Variants in RNPS1 observed in about 807,000 individuals in gnomAD.
RNPS1 encodes RNA binding protein with serine rich domain 1, also known as RNA-binding protein with serine-rich domain 1.
For missense variants in RNPS1, 300 were observed against 427.6 expected (o/e 0.70, Z 2.63); for synonymous variants, 147 against 150.0 (o/e 0.98, Z 0.15).
chr16:2,259,089 C>T (rs2093591147), intron 6 of RNPS1, among the ~76,000 whole-genome samples: 2 of 147,908 alleles, frequency 1.4e-5, no homozygotes, highest in South Asian at 4.2e-4. Flanking sequence ...CACCATTGTA[C>T]TCCAGCCTGG....
chr16:2,263,020 G>A (rs2093609497), intron 4 of RNPS1, 76 bp downstream of exon 4: 4 of 1,481,424 alleles, frequency 2.7e-6, no homozygotes, highest in Non-Finnish European at 3.7e-6. Flanking sequence ...CTCCTTTTGG[G>A]TCCCTTTTAT....
chr16:2,255,485 G>A (rs1420534385), intron 7 of RNPS1, 100 bp downstream of exon 7: 8 of 1,362,004 alleles, frequency 5.9e-6, no homozygotes, highest in Admixed American at 2.3e-5. Context: ...AGCCCGCACA[G>A]CAGTGGAAGG....
Position 2,253,652 on chromosome 16 carries a change from T to C in RNPS1, c.*312A>G. Reference sequence around the variant, plus strand: ...GGGAAGGGAAAAGTGTGCTCCCAGGTAAGCAGGGTCAAACCACCCCCAAGA... The same window carrying C: ...GGGAAGGGAAAAGTGTGCTCCCAGGCAAGCAGGGTCAAACCACCCCCAAGA... On this transcript the variant is annotated 3_prime_UTR_variant, in exon 8 of 8. Transcript: ENST00000320225. 2 of 502,774 alleles carry C rather than the reference T, an allele frequency of 4.0e-6. No individual in the cohort carries two copies. 31.1% of individuals were successfully genotyped at this position (502,774 alleles called of 1,614,324 possible).
rs2093615377 is a variant in RNPS1 at position 2,264,207 on chromosome 16, G to A, written c.196C>T (p.Arg66Cys). 6.2e-7 allele frequency: 1 copy of A among 1,613,668 alleles called. No individual in the cohort carries two copies. The highest frequency in any genetic ancestry group is 1.1e-5 in the South Asian group (1 of 91,058). ...CTGCTGCTACCACTGGAAGCGCTGC[G>A]CCTCTTTCGGGTTTTGTCCCGGCCG... Reference protein sequence around the residue: ...DRGRDKTRKRRSASSGSSSTR... With the variant: ...DRGRDKTRKRCSASSGSSSTR... Residue 66 changes from arginine to cysteine, a missense_variant, in exon 3 of 8, where the codon CGC (arginine) becomes TGC (cysteine). Arg to Cys is a radical substitution (Grantham distance 180). Transcript: ENST00000320225.
At chr16:2,260,147 CTTTT>C (rs776703032) in intron 6 of RNPS1, among the ~76,000 whole-genome samples, 326 of 72,382 alleles carry the variant, frequency 4.5e-3, no homozygotes, top group African/African-American at 0.015. Flanking sequence ...TGTGTGTATT[CTTTT>C]TTTTTTTTTT....
intron 5 of RNPS1, 116 bp downstream of exon 5, chr16:2,262,624 C>T: frequency 9.6e-7 from 1 of 1,038,898 alleles, no homozygotes; most frequent in Non-Finnish European, 1.4e-6. Context: ...CAATGCTGTA[C>T]TCAAACCACA....
intron 7 of RNPS1, among the ~76,000 whole-genome samples, chr16:2,255,339 G>C (rs1480620830): frequency 6.6e-6 from 1 of 152,210 alleles, no homozygotes; most frequent in South Asian, 2.1e-4. Context: ...GGTCTCCTAG[G>C]AAGGCCACAC....
intron 6 of RNPS1, chr16:2,258,134 G>T (rs1007677584): frequency 7.9e-5 from 12 of 152,342 alleles, no homozygotes; most frequent in African/African-American, 2.6e-4. Flanking sequence ...GAAATAAACT[G>T]TATAGATTCA....
chr16:2,264,470 C>T (rs2093616849), intron 2 of RNPS1, 103 bp downstream of exon 2: 5 of 1,527,762 alleles, frequency 3.3e-6, no homozygotes, highest in Non-Finnish European at 4.5e-6. Context: ...TGGCTCAGAA[C>T]ACTCACTGTA....
At chr16:2,262,962 G>T in intron 4 of RNPS1, 120 bp from the exon 5 acceptor site, 1 of 1,304,354 alleles carries the variant, frequency 7.7e-7, no homozygotes, top group Non-Finnish European at 1.1e-6. Context: ...TTTCCTGCTA[G>T]TTCACATACA....
chr16:2,262,256 G>T, intron 6 of RNPS1, 22 bp downstream of exon 6: 1 of 1,610,958 alleles, frequency 6.2e-7, no homozygotes, highest in African/African-American at 1.3e-5. Context: ...AGAGGTCAGG[G>T]TTATGTGGCA....
intron 7 of RNPS1, 44 bp downstream of exon 7, chr16:2,255,541 A>C (rs2093574227): frequency 6.5e-7 from 1 of 1,533,458 alleles, no homozygotes; most frequent in Non-Finnish European, 8.7e-7. Flanking sequence ...CGGTCACATG[A>C]GGTTTGTGGC....
chr16:2,260,155 T>C (rs919814062), intron 6 of RNPS1, among the ~76,000 whole-genome samples: 9 of 136,152 alleles, frequency 6.6e-5, no homozygotes, highest in African/African-American at 2.5e-4. Flanking sequence ...TTCTTTTTTT[T>C]TTTTTTTTTT....
intron 6 of RNPS1, among the ~76,000 whole-genome samples, chr16:2,259,692 A>C (rs1039593588): frequency 6.6e-6 from 1 of 152,226 alleles, no homozygotes; most frequent in Non-Finnish European, 1.5e-5. Context: ...GATCCAGACC[A>C]TCCTGGCTAA....
chr16:2,262,213 A>C, intron 6 of RNPS1, 65 bp downstream of exon 6: 1 of 1,493,416 alleles, frequency 6.7e-7, no homozygotes, highest in Non-Finnish European at 9.2e-7. Flanking sequence ...GTTGGAAATC[A>C]GTTTGAAAGC....
chr16:2,262,148 C>G (rs2093605529), intron 6 of RNPS1, 130 bp downstream of exon 6: 1 of 947,598 alleles, frequency 1.1e-6, no homozygotes, highest in Non-Finnish European at 1.6e-6. Flanking sequence ...TGCACCCCAG[C>G]CTGGGCAACA....
intron 6 of RNPS1, among the ~76,000 whole-genome samples, chr16:2,259,123 C>CAAAAA (rs34193204): frequency 8.8e-6 from 1 of 113,708 alleles, no homozygotes; most frequent in Non-Finnish European, 1.7e-5. Flanking sequence ...AAAAAAGTCT[C>CAAAAA]AAAAAAAAAA....
chr16:2,263,391 GGTGCC>G, intron 3 of RNPS1, 104 bp from the exon 4 acceptor site: 1 of 1,137,892 alleles, frequency 8.8e-7, no homozygotes, highest in South Asian at 1.4e-5. Flanking sequence ...CTGCTGTTCG[GGTGCC>G]TCCAGGCCTC....
At position 2,263,113 on chromosome 16, in the gene RNPS1, C is replaced by T. The variant is rs147447605; in HGVS notation, c.402G>A (p.Arg134=). The part of the protein sequence containing the change: ...PSPSRRRHDN[R]RRSRSKSKPP... ...GCACTCACTTGGAGCGGGAGCGCCT[C>T]CTGTTGTCGTGTCTGCGCCGAGAAG... Residue 134 remains arginine, a synonymous_variant, in exon 4 of 8, where the codon AGG becomes AGA. Coordinates refer to ENST00000320225, the MANE Select transcript of RNPS1 (RefSeq NM_080594.4). 35 of 1,612,706 alleles carry T rather than the reference C, an allele frequency of 2.2e-5. No homozygotes were observed. Among genetic ancestry groups the T allele is most frequent in the Non-Finnish European group, 2.8e-5 (33 of 1,179,858 alleles).
Sources: gnomAD v4.1 joint callset for allele counts (sites outside exome capture counted in the v4.1 genomes callset) on GRCh38, gnomAD v4.1.1 for gene constraint, MANE v1.5 for transcripts, NCBI Gene and HGNC (gene_info 2026-07-23, HGNC 2026-07-21) for gene names.